The following HM13 variants were observed in gnomAD, a reference collection of about 807,000 sequenced individuals.
HM13 encodes signal peptide peptidase.
In HM13, 18 loss-of-function variants were observed where a neutral mutation model predicts 50.0. The ratio of observed to expected loss-of-function variants is 0.36; its 90% CI spans 0.25 to 0.53. HM13 has a LOEUF of 0.53. HM13 is among the 20% of genes least tolerant of loss of function. The pLI, the probability that HM13 is intolerant of heterozygous loss-of-function variation, is 0.90. For missense variants in HM13, 393 were observed against 552.4 expected, an observed-to-expected ratio of 0.71 and a Z score of 2.89; for synonymous variants, 197 against 232.6, an observed-to-expected ratio of 0.85 and a Z score of 1.39.
intron 7 of HM13, among the ~76,000 whole-genome samples, chr20:31,551,348 C>T (rs1984024265): frequency 6.6e-6 from 1 of 152,132 alleles, no homozygotes; most frequent in Admixed American, 6.6e-5. Context: ...TTAGGTCATC[C>T]CTTCATGGTC....
At chr20:31,541,490 T>TAAAAAAAAA (rs5841079) in intron 3 of HM13, 3 of 136,784 alleles carry the variant, frequency 2.2e-5, no homozygotes, top group African/African-American at 2.6e-5. Flanking sequence ...CTGAAAAATA[T>TAAAAAAAAA]AAAAAAAAAA....
At chr20:31,557,403 A>G (rs1384989395) in intron 8 of HM13, among the ~76,000 whole-genome samples, 1 of 152,166 alleles carries the variant, frequency 6.6e-6, no homozygotes, top group Non-Finnish European at 1.5e-5. Context: ...CTCTATATAT[A>G]TCCCCAGTAG....
At chr20:31,545,180 C>T (rs946420955) in intron 4 of HM13, 145 bp downstream of exon 4, 15 of 681,806 alleles carry the variant, frequency 2.2e-5, no homozygotes, top group Non-Finnish European at 3.4e-5. Context: ...CATTCCAACT[C>T]TGCTATTGTC....
At chr20:31,532,198 G>A (rs1316308827) in intron 2 of HM13, among the ~76,000 whole-genome samples, 1 of 151,912 alleles carries the variant, frequency 6.6e-6, no homozygotes, top group Non-Finnish European at 1.5e-5. Flanking sequence ...AGGCCAAGGA[G>A]GGTGTATCAC....
chr20:31,549,293 C>T lies in HM13; in HGVS notation c.627C>T (p.Cys209=). 6.2e-7 allele frequency: 1 copy of T among 1,614,224 alleles called. No individual in the cohort carries two copies. The highest frequency in any genetic ancestry group is 8.5e-7 in the Non-Finnish European group (1 of 1,180,032). Residue 209 remains cysteine (C), a synonymous_variant, in exon 6 of 13, where the codon TGC becomes TGT. Transcript: ENST00000398174. ...ACCTCAACAATGTCAGCACTGGCTG[C>T]ATCCTGCTGGGCGGACTCTTCATCT... ...LLHLNNVSTG[C]ILLGGLFIYD...
At position 31,569,291 on chromosome 20, in the gene HM13, G is replaced by A. The variant is rs1985128944; in HGVS notation, c.*72G>A. The A allele has an allele frequency of 6.4e-6, 7 of 1,101,046 alleles. No individual in the cohort carries two copies. Among genetic ancestry groups the A allele is most frequent in the Admixed American group, 2.1e-5 (1 of 48,004 alleles). 68.2% of individuals were successfully genotyped at this position (1,101,046 alleles called of 1,614,324 possible). On this transcript the variant is annotated 3_prime_UTR_variant, in exon 13 of 13. Coordinates refer to ENST00000398174, the MANE Select transcript of HM13 (RefSeq NM_178581.3). ...GCTGGGCCCACACAGGCGTGCACCGGTAGAGGGCACAGGAGGCCAAGGGCA... is the reference window on the plus strand; with the variant it reads ...GCTGGGCCCACACAGGCGTGCACCGATAGAGGGCACAGGAGGCCAAGGGCA...
chr20:31,550,159 AC>A, intron 7 of HM13, 38 bp downstream of exon 7: 1 of 1,549,682 alleles, frequency 6.5e-7, no homozygotes, highest in Non-Finnish European at 8.9e-7. Context: ...CCCTTCCCCC[AC>A]CCCTGCCGGG....
At chr20:31,531,087 C>G (rs1311209881) in intron 2 of HM13, among the ~76,000 whole-genome samples, 1 of 152,166 alleles carries the variant, frequency 6.6e-6, no homozygotes, top group African/African-American at 2.4e-5. Context: ...CTCTGTTGCC[C>G]AGGCTGGAGT....
At chr20:31,555,011 C>T (rs45522938) in intron 8 of HM13, among the ~76,000 whole-genome samples, 182 bp downstream of exon 8, 1,538 of 152,344 alleles carry the variant, frequency 0.01, 22 homozygotes, top group Admixed American at 0.02. Context: ...AGTCAGGTGC[C>T]ATGCCCCAAG....
At chr20:31,554,516 A>T in intron 7 of HM13, 1 of 452,688 alleles carries the variant, frequency 2.2e-6, no homozygotes, top group Non-Finnish European at 4.1e-6. Flanking sequence ...CCCCGTCTCT[A>T]CTAAAAATAC....
In HM13 at chr20:31,535,003, G is replaced by A. The variant is rs189186269; in HGVS notation, c.283-3176G>A. On this transcript the variant is annotated intron_variant, in intron 2 of 12. Transcript: ENST00000398174. ...CAGGAGGCTGAGGCAGGAGAGTGGC[G>A]TGAACCCGGGAGGCACAGTTTTCAG... Among the ~76,000 whole-genome samples the A allele has an allele frequency of 3.4e-3, 514 of 151,568 alleles. 3 individuals are homozygous for A. Among genetic ancestry groups the A allele is most frequent in the African/African-American group, 0.012 (485 of 41,316 alleles).
intron 4 of HM13, 62 bp from the exon 5 acceptor site, chr20:31,548,967 G>T: frequency 4.3e-6 from 6 of 1,406,598 alleles, no homozygotes; most frequent in Non-Finnish European, 6.1e-6. Flanking sequence ...CCGTCCAGGG[G>T]CTGACAGGTG....
chr20:31,514,760 C>T lies in HM13; in HGVS notation c.183+26C>T. The T allele has an allele frequency of 6.7e-7, 1 of 1,501,230 alleles. No homozygotes were observed. The highest frequency in any genetic ancestry group is 8.9e-7 in the Non-Finnish European group (1 of 1,126,718). 93.0% of individuals were successfully genotyped at this position (1,501,230 alleles called of 1,614,324 possible). ...GTAGGGTCAGCGGGAAAACCGGGCACTTTCCACCCCCATACCGAACACGGC... is the reference window on the plus strand; with the variant it reads ...GTAGGGTCAGCGGGAAAACCGGGCATTTTCCACCCCCATACCGAACACGGC... On this transcript the variant is annotated intron_variant, in intron 1 of 12. Transcript: ENST00000398174. This position sits in a 1 kb window ranked among gnomAD's most constrained non-coding sequence, Gnocchi z 4.3.
chr20:31,530,493 C>T (rs921710348), intron 2 of HM13, among the ~76,000 whole-genome samples: 4 of 151,800 alleles, frequency 2.6e-5, no homozygotes, highest in Admixed American at 6.6e-5. Flanking sequence ...TCAATGCAAC[C>T]TCCGCCTCCC....
chr20:31,544,744 GCTGAGATATAGGACC>G (rs1983618209), intron 3 of HM13, among the ~76,000 whole-genome samples, 188 bp from the exon 4 acceptor site: 1 of 152,238 alleles, frequency 6.6e-6, no homozygotes, highest in Admixed American at 6.5e-5. Flanking sequence ...TTGAGTCTTA[GCTGAGATATAGGACC>G]CCTGTGTGAC....
Position 31,536,129 on chromosome 20 carries a change from C to T in HM13, c.283-2050C>T, listed in dbSNP as rs187901701. ...TGTAATCCCAGCACTTTTGGGAGGC[C>T]GAGGCAGTTGGATCACCTGAGGTCA... On this transcript the variant is annotated intron_variant, in intron 2 of 12. Transcript: ENST00000398174. Among the ~76,000 whole-genome samples, 61 of 152,214 alleles carry T rather than the reference C, an allele frequency of 4.0e-4. 1 individual carries two copies. Among genetic ancestry groups the T allele is most frequent in the Non-Finnish European group, 6.6e-4 (45 of 68,018 alleles).
At chr20:31,542,369 G>A (rs1028821964) in intron 3 of HM13, among the ~76,000 whole-genome samples, 2 of 152,186 alleles carry the variant, frequency 1.3e-5, no homozygotes, top group Non-Finnish European at 2.9e-5. Flanking sequence ...GACCAGATCT[G>A]CCACCCCAGA....
chr20:31,527,951 C>G (rs1041806792), intron 2 of HM13: 1 of 158,910 alleles, frequency 6.3e-6, no homozygotes, highest in African/African-American at 2.4e-5. Flanking sequence ...GTTATGCAGG[C>G]TCAGTGTTGA....
chr20:31,553,793 G>A (rs150072499), intron 7 of HM13, among the ~76,000 whole-genome samples: 1 of 152,066 alleles, frequency 6.6e-6, no homozygotes, highest in East Asian at 1.9e-4. Flanking sequence ...AGCAATCTGC[G>A]GGTGTGTAGC....
Sources: allele counts gnomAD v4.1 joint callset (sites outside exome capture counted in the v4.1 genomes callset), GRCh38; gene constraint gnomAD v4.1.1; non-coding constraint Gnocchi (gnomAD v3.1); transcripts MANE v1.5; gene names NCBI Gene and HGNC (gene_info 2026-07-23, HGNC 2026-07-21).